DNAH8: variants seen among roughly 807,000 people sequenced by gnomAD.
The protein encoded by DNAH8 is dynein axonemal heavy chain 8, also known as axonemal beta dynein heavy chain 8.
Under a neutral mutation model 562.1 loss-of-function variants are expected in DNAH8, and 382 were observed. That is an observed-to-expected ratio of 0.68 (90% CI 0.63 to 0.74). DNAH8 has a LOEUF of 0.74. Ranked by LOEUF, DNAH8 falls within the 30% of genes least tolerant of loss-of-function variation. The probability of loss-of-function intolerance (pLI) is 0.00; values close to 1 mark genes in which losing one functional copy is unlikely to be tolerated. For missense variants in DNAH8, 5,203 were observed against 5,620.4 expected (o/e 0.93, Z 2.37); for synonymous variants, 1,881 against 1,919.4 (o/e 0.98, Z 0.52).
rs936352893 is a variant in DNAH8 at position 38,741,707 on chromosome 6, G to A, written c.1117-4G>A. 1 of 1,593,108 alleles carries A rather than the reference G, an allele frequency of 6.3e-7. No individual in the cohort carries two copies. Among genetic ancestry groups the A allele is most frequent in the Non-Finnish European group, 8.5e-7 (1 of 1,173,112 alleles). On this transcript the variant is annotated splice_region_variant and splice_polypyrimidine_tract_variant and intron_variant, in intron 7 of 92. Coordinates refer to ENST00000327475, the MANE Select transcript of DNAH8 (RefSeq NM_001206927.2). Reference sequence around the variant, plus strand: ...CTATATTTTATAAATTTTTTTGACTGCAGGTACTTATTGAGAGTGAGCAGA... The same window carrying A: ...CTATATTTTATAAATTTTTTTGACTACAGGTACTTATTGAGAGTGAGCAGA...
At chr6:38,979,819 C>T (rs1269070445) in intron 85 of DNAH8, among the ~76,000 whole-genome samples, 1 of 152,130 alleles carries the variant, frequency 6.6e-6, no homozygotes, top group Non-Finnish European at 1.5e-5. Context: ...TTCATTTGGC[C>T]ACCCATCTAA....
chr6:38,992,799 T>C (rs537353168), intron 88 of DNAH8, among the ~76,000 whole-genome samples: 8 of 152,282 alleles, frequency 5.3e-5, no homozygotes, highest in South Asian at 2.1e-4. Flanking sequence ...GTAAAAGCAA[T>C]TGGAGACAAA....
intron 44 of DNAH8, 83 bp downstream of exon 44, chr6:38,862,541 T>G: frequency 6.9e-7 from 1 of 1,453,084 alleles, no homozygotes; most frequent in Non-Finnish European, 9.3e-7. Context: ...AAATCCAAAG[T>G]GACGTGATCT....
Position 38,786,798 on chromosome 6 carries a change from A to G in DNAH8, c.2429A>G (p.Glu810Gly), listed in dbSNP as rs1562781960. The part of the protein sequence containing the change: ...LQATLFVRHP[E>G]TGKLLVNFDP... ...GCCACGCTTTTTGTGCGACATCCAG[A>G]AACAGGGAAGTTGCTGGTTAATTTC... The change falls in exon 18 of 93, where the codon GAA (glutamate) becomes GGA (glycine). Residue 810 changes from glutamate (E) to glycine (G), a missense_variant. Transcript: ENST00000327475. The G allele has an allele frequency of 1.2e-6, 2 of 1,612,316 alleles. No homozygotes were observed. The highest frequency in any genetic ancestry group is 1.7e-6 in the Non-Finnish European group (2 of 1,179,424).
intron 4 of DNAH8, 58 bp from the exon 5 acceptor site, chr6:38,734,416 C>T (rs1047507351): frequency 6.6e-7 from 1 of 1,519,104 alleles, no homozygotes; most frequent in East Asian, 3.1e-5. Flanking sequence ...GCCACAGTAA[C>T]TTATCTCATT....
At chr6:39,001,594 G>A (rs544724690) in intron 88 of DNAH8, among the ~76,000 whole-genome samples, 2 of 152,192 alleles carry the variant, frequency 1.3e-5, no homozygotes, top group East Asian at 3.9e-4. Flanking sequence ...TGCTTGATGA[G>A]CTTCAGGTAA....
intron 79 of DNAH8, among the ~76,000 whole-genome samples, chr6:38,942,537 A>G (rs943105720): frequency 4.6e-5 from 7 of 152,210 alleles, no homozygotes; most frequent in African/African-American, 1.2e-4. Context: ...CACACCCACC[A>G]TGGAAGCAGG....
intron 77 of DNAH8, among the ~76,000 whole-genome samples, chr6:38,936,941 T>A (rs1473967961): frequency 6.6e-6 from 1 of 152,160 alleles, no homozygotes; most frequent in African/African-American, 2.4e-5. Flanking sequence ...GCTCAGTACA[T>A]CCAAGGTGTC....
At chr6:38,959,324 G>A (rs1024270349) in intron 82 of DNAH8, among the ~76,000 whole-genome samples, 2 of 152,144 alleles carry the variant, frequency 1.3e-5, no homozygotes, top group African/African-American at 4.8e-5. Context: ...AGTTTGAAAA[G>A]AGGAAGTCAA....
chr6:38,904,087 C>A (rs1780267397), intron 62 of DNAH8, among the ~76,000 whole-genome samples: 1 of 152,094 alleles, frequency 6.6e-6, no homozygotes, highest in South Asian at 2.1e-4. Context: ...GTCTTTTTTA[C>A]TTTTATTATT....
intron 44 of DNAH8, among the ~76,000 whole-genome samples, chr6:38,862,730 T>C (rs1776731526): frequency 6.6e-6 from 1 of 152,066 alleles, no homozygotes; most frequent in African/African-American, 2.4e-5. Context: ...GAAATAATAG[T>C]AGAGAGGATC....
chr6:38,924,024 C>G lies in DNAH8; in HGVS notation c.10824C>G (p.Phe3608Leu), dbSNP rs267601019. 1 of 1,613,946 alleles carries G rather than the reference C, an allele frequency of 6.2e-7. No homozygotes were observed. The highest frequency in any genetic ancestry group is 1.7e-5 in the Admixed American group (1 of 60,016). Residue 3608 changes from phenylalanine (F) to leucine (L), a missense_variant, in exon 73 of 93, where the codon TTC (phenylalanine) becomes TTG (leucine). By Grantham distance (22) the Phe-to-Leu change is conservative (BLOSUM62 0). Transcript: ENST00000327475. ...LVGDILLCTG[F>L]LSYLGPFNQI... ...GTGATATTCTGCTGTGCACGGGATT[C>G]CTTTCCTACCTTGGTCCTTTCAATC...
rs755085634 is a variant in DNAH8, at chr6:38,722,771, T to C, written c.-34-5T>C. On this transcript the variant is annotated splice_polypyrimidine_tract_variant and splice_region_variant and intron_variant, in intron 1 of 92. Transcript: ENST00000327475. ...GTTTTAAACGAACCTATGTTATAAT[T>C]CTAGGTTTCGAAGTATAAAGCATTC... is the stretch of plus-strand genomic sequence containing the variant. 2 of 1,520,160 alleles carry C rather than the reference T, an allele frequency of 1.3e-6. No homozygotes were observed. Among genetic ancestry groups the C allele is most frequent in the Non-Finnish European group, 1.8e-6 (2 of 1,135,594 alleles). 94.2% of individuals were successfully genotyped at this position (1,520,160 alleles called of 1,614,324 possible). A position where few individuals can be genotyped will look rare whatever the true frequency, so the allele number is the denominator to read the frequency against.
At chr6:38,921,263 C>T (rs1435508342) in intron 70 of DNAH8, 106 bp from the exon 71 acceptor site, 4 of 1,336,668 alleles carry the variant, frequency 3.0e-6, no homozygotes, top group African/African-American at 1.5e-5. Flanking sequence ...CAGATGTGCT[C>T]GAAAGTCCCG....
At chr6:38,878,410 TA>T (rs1178848998) in intron 53 of DNAH8, among the ~76,000 whole-genome samples, 1 of 152,026 alleles carries the variant, frequency 6.6e-6, no homozygotes, top group Non-Finnish European at 1.5e-5. Context: ...ACTTCTTCCT[TA>T]ATAAGTTAGG....
intron 62 of DNAH8, among the ~76,000 whole-genome samples, chr6:38,900,252 TC>T (rs1053911199): frequency 6.6e-6 from 1 of 152,190 alleles, no homozygotes; most frequent in Non-Finnish European, 1.5e-5. Flanking sequence ...GCTCTTTGCA[TC>T]CTATTTCTAT....
Position 38,803,267 on chromosome 6 carries a change from A to C in DNAH8, c.2990A>C (p.Gln997Pro), listed in dbSNP as rs1428437696. 6.2e-7 allele frequency: 1 copy of C among 1,608,048 alleles called. No individual in the cohort carries two copies. Among genetic ancestry groups the C allele is most frequent in the East Asian group, 2.2e-5 (1 of 44,750 alleles). ...AGAGAACTTATATCAATATTTGAGC[A>C]GATTTATGAAGTGAAATACACTGGG... ...AVRELISIFEQIYEVKYTGKV... is the reference protein window; with the variant it reads ...AVRELISIFEPIYEVKYTGKV... The change falls in exon 22 of 93, where the codon CAG becomes CCG. Residue 997 changes from glutamine (Q) to proline (P), a missense_variant. Transcript: ENST00000327475.
chr6:38,758,208 C>G (rs1391504429), intron 10 of DNAH8, among the ~76,000 whole-genome samples: 1 of 152,056 alleles, frequency 6.6e-6, no homozygotes, highest in East Asian at 1.9e-4. Flanking sequence ...TTTCCTTGAG[C>G]AGTGGTTTGT....
chr6:38,846,102 C>T (rs369725457), intron 36 of DNAH8, among the ~76,000 whole-genome samples: 1 of 90,130 alleles, frequency 1.1e-5, no homozygotes, highest in Non-Finnish European at 2.4e-5. Context: ...GTTCCTCTGA[C>T]ATCATTGACC....
Sources: gnomAD v4.1 joint callset for allele counts (sites outside exome capture counted in the v4.1 genomes callset) on GRCh38, gnomAD v4.1.1 for gene constraint, MANE v1.5 for transcripts, NCBI Gene and HGNC (gene_info 2026-07-23, HGNC 2026-07-21) for gene names.